MYO10: variants seen among roughly 807,000 people sequenced by gnomAD.
MYO10 encodes the protein unconventional myosin-X.
Under a neutral mutation model 257.3 loss-of-function variants are expected in MYO10, and 133 were observed. That is an observed-to-expected ratio of 0.52 (90% confidence interval 0.45 to 0.60). The LOEUF is 0.60. Ranked by LOEUF, MYO10 falls within the 20% of genes least tolerant of loss-of-function variation. The probability of loss-of-function intolerance (pLI) is 0.00; values close to 1 mark genes in which losing one functional copy is unlikely to be tolerated. For missense variants in MYO10, 2,399 were observed against 2,635.7 expected, an observed-to-expected ratio of 0.91 and a Z score of 1.97; for synonymous variants, 1,104 against 1,028.6, an observed-to-expected ratio of 1.07 and a Z score of -1.40.
intron 4 of MYO10, among the ~76,000 whole-genome samples, chr5:16,784,545 T>C (rs1741517447): frequency 6.6e-6 from 1 of 152,134 alleles, no homozygotes; most frequent in Admixed American, 6.6e-5. Flanking sequence ...ATCTGGCATA[T>C]GGCACCATGC....
chr5:16,900,224 T>A (rs1745340111), intron 1 of MYO10, among the ~76,000 whole-genome samples: 1 of 152,108 alleles, frequency 6.6e-6, no homozygotes, highest in Admixed American at 6.5e-5. Context: ...TTAAGACAAA[T>A]AAAACTAGAC....
rs746578247 is a variant in MYO10 at position 16,674,918 on chromosome 5, T to C, written c.4899A>G (p.Thr1633=). The change falls in exon 35 of 41, where the codon ACA becomes ACG. Residue 1633 remains threonine, a synonymous_variant. Coordinates refer to ENST00000513610, the MANE Select transcript of MYO10 (RefSeq NM_012334.3). ...VGNLYSWQIL[T]CLSCTFLPSR... is the part of the protein sequence containing the mutation. ...TCGGCAGGAAGGTGCAGCTCAGGCATGTCAGGATCTGCCAGCTGTACAGGT... is the reference window on the plus strand; with the variant it reads ...TCGGCAGGAAGGTGCAGCTCAGGCACGTCAGGATCTGCCAGCTGTACAGGT... 6.3e-5 allele frequency: 101 copies of C among 1,613,854 alleles called. No homozygotes were observed. The highest frequency in any genetic ancestry group is 7.6e-5 in the Non-Finnish European group (90 of 1,179,880).
chr5:16,666,998 T>C (rs981946420), intron 40 of MYO10, among the ~76,000 whole-genome samples: 1 of 152,206 alleles, frequency 6.6e-6, no homozygotes, highest in Non-Finnish European at 1.5e-5. Context: ...CCAAATACAA[T>C]GTGCACCACC....
intron 1 of MYO10, among the ~76,000 whole-genome samples, chr5:16,903,136 G>A (rs567277691): frequency 3.3e-5 from 5 of 152,228 alleles, no homozygotes; most frequent in Non-Finnish European, 5.9e-5. Flanking sequence ...TACCAGGCGC[G>A]ATGGCTCACG....
intron 18 of MYO10, among the ~76,000 whole-genome samples, chr5:16,755,557 C>T (rs1740505051): frequency 6.6e-6 from 1 of 152,192 alleles, no homozygotes; most frequent in Admixed American, 6.5e-5. Context: ...TGAGAAATAG[C>T]CACTCTTCCA....
intron 2 of MYO10, among the ~76,000 whole-genome samples, chr5:16,819,037 C>T (rs1742725462): frequency 6.6e-6 from 1 of 151,996 alleles, no homozygotes; most frequent in African/African-American, 2.4e-5. Flanking sequence ...ATATGGTATA[C>T]GTTCATATTG....
At chr5:16,795,843 T>C (rs1026213056) in intron 3 of MYO10, among the ~76,000 whole-genome samples, 1 of 152,110 alleles carries the variant, frequency 6.6e-6, no homozygotes, top group African/African-American at 2.4e-5. Flanking sequence ...GCAAATTTTA[T>C]GCTATGCAGA....
In MYO10 at chr5:16,812,347, A is replaced by G. The variant is rs150318350; in HGVS notation, c.279+5662T>C. The stretch of plus-strand genomic sequence containing the variant: ...CTCTAACCCAGGCACTGCAGCTTAA[A>G]CCACGCAGTCCAGACCTATGGACAC... On this transcript the variant is annotated intron_variant, in intron 3 of 40. Transcript: ENST00000513610. Among the ~76,000 whole-genome samples the G allele has an allele frequency of 2.7e-3, 414 of 152,272 alleles. 2 individuals are homozygous for G. The highest frequency in any genetic ancestry group is 0.024 in the Middle Eastern group (7 of 294).
intron 3 of MYO10, among the ~76,000 whole-genome samples, chr5:16,805,302 A>G (rs1258680584): frequency 6.6e-6 from 1 of 151,860 alleles, no homozygotes; most frequent in Non-Finnish European, 1.5e-5. Context: ...GTCTCTACTA[A>G]AAATACAAAA....
intron 3 of MYO10, 50 bp downstream of exon 3, chr5:16,817,959 A>G (rs780983661): frequency 7.6e-7 from 1 of 1,318,996 alleles, no homozygotes; most frequent in South Asian, 2.0e-5. Context: ...AAAAATAAGC[A>G]TTCACTCAAA....
chr5:16,700,894 T>C (rs1050037402), intron 25 of MYO10, 69 bp downstream of exon 25: 92 of 1,445,444 alleles, frequency 6.4e-5, no homozygotes, highest in Non-Finnish European at 8.2e-5. Flanking sequence ...TTCATTCAAC[T>C]TGAGGATGCA....
chr5:16,832,512 T>C (rs1386669060), intron 2 of MYO10, among the ~76,000 whole-genome samples: 1 of 152,164 alleles, frequency 6.6e-6, no homozygotes, highest in African/African-American at 2.4e-5. Flanking sequence ...GTTTTAAACA[T>C]AGTAAGTTTC....
chr5:16,728,067 G>A (rs1739441929), intron 19 of MYO10, among the ~76,000 whole-genome samples: 1 of 152,120 alleles, frequency 6.6e-6, no homozygotes, highest in Non-Finnish European at 1.5e-5. Context: ...ATCACGTGTT[G>A]AGCGTGTGAT....
intron 19 of MYO10, among the ~76,000 whole-genome samples, chr5:16,718,463 G>T (rs1738996112): frequency 6.6e-6 from 1 of 152,270 alleles, no homozygotes; most frequent in South Asian, 2.1e-4. Flanking sequence ...CTCAGGGATT[G>T]TAAATACACC....
intron 2 of MYO10, among the ~76,000 whole-genome samples, chr5:16,822,135 T>G (rs893388648): frequency 6.6e-6 from 1 of 151,980 alleles, no homozygotes; most frequent in African/African-American, 2.4e-5. Flanking sequence ...ATTTAGAAAT[T>G]TGGGGAGAGC....
At chr5:16,673,193 T>G (rs370957156) in intron 36 of MYO10, among the ~76,000 whole-genome samples, 3 of 146,612 alleles carry the variant, frequency 2.0e-5, no homozygotes, top group Non-Finnish European at 4.4e-5. Flanking sequence ...CAGATGACGT[T>G]TTTTTTTTTT....
intron 2 of MYO10, among the ~76,000 whole-genome samples, chr5:16,825,016 G>A (rs192879833): frequency 1.4e-4 from 22 of 152,262 alleles, no homozygotes; most frequent in African/African-American, 4.6e-4. Context: ...GGAGGAGGAG[G>A]AGGATTTCTA....
intron 4 of MYO10, among the ~76,000 whole-genome samples, chr5:16,791,857 G>A (rs936831131): frequency 1.3e-5 from 2 of 152,086 alleles, no homozygotes; most frequent in African/African-American, 4.8e-5. Context: ...CCCACAAATA[G>A]TGGTTCTAGT....
At chr5:16,756,305 A>G (rs1481269909) in intron 18 of MYO10, among the ~76,000 whole-genome samples, 2 of 152,150 alleles carry the variant, frequency 1.3e-5, no homozygotes, top group South Asian at 2.1e-4. Flanking sequence ...GACTCAAGCA[A>G]TCTTTCCACC....
Sources: gnomAD v4.1 joint callset for allele counts (sites outside exome capture counted in the v4.1 genomes callset) on GRCh38, gnomAD v4.1.1 for gene constraint, MANE v1.5 for transcripts, NCBI Gene and HGNC (gene_info 2026-07-23, HGNC 2026-07-21) for gene names.